The following STK32B variants were observed in gnomAD, a reference collection of about 807,000 sequenced individuals.
The protein encoded by STK32B is serine/threonine kinase 32B.
In STK32B, 43 loss-of-function variants were observed where a neutral mutation model predicts 52.6. The ratio of observed to expected loss-of-function variants is 0.82; its 90% CI spans 0.64 to 1.05. STK32B has a LOEUF of 1.05. Ranked by LOEUF, STK32B falls within the 50% of genes least tolerant of loss-of-function variation. STK32B has a pLI of 0.00. For missense variants in STK32B, 621 were observed against 534.6 expected (o/e 1.16, Z -1.59); for synonymous variants, 238 against 204.3 (o/e 1.17, Z -1.41).
intron 2 of STK32B, among the ~76,000 whole-genome samples, chr4:5,161,147 A>T (rs558081568): frequency 6.6e-6 from 1 of 152,192 alleles, no homozygotes; most frequent in African/African-American, 2.4e-5. Flanking sequence ...TACCAGGCCC[A>T]TGGCACGCAC....
intron 1 of STK32B, among the ~76,000 whole-genome samples, chr4:5,082,607 TG>T (rs1264589011): frequency 6.6e-6 from 1 of 152,184 alleles, no homozygotes; most frequent in Non-Finnish European, 1.5e-5. Context: ...TCTAACTTTT[TG>T]ACAATGAATG....
intron 1 of STK32B, among the ~76,000 whole-genome samples, chr4:5,086,857 TGAA>T (rs1712760251): frequency 6.6e-6 from 1 of 152,156 alleles, no homozygotes; most frequent in Non-Finnish European, 1.5e-5. Flanking sequence ...TCTTTAAAAA[TGAA>T]GAAGAAATTA....
rs1732242654 is a variant in STK32B at position 5,331,412 on chromosome 4, G to T, written c.434+19G>T. On this transcript the variant is annotated intron_variant, in intron 4 of 11. Coordinates refer to ENST00000282908, the MANE Select transcript of STK32B (RefSeq NM_018401.3). The stretch of plus-strand genomic sequence containing the variant: ...TCCACAGGTAACTGGGCTGCTGGCG[G>T]GATGCCTGGGACAGAGGGACCATGG... 4 of 1,596,536 alleles carry T rather than the reference G, an allele frequency of 2.5e-6. No individual in the cohort carries two copies. In the East Asian group the frequency reaches 9.0e-5, roughly 36 times the overall value.
intron 2 of STK32B, among the ~76,000 whole-genome samples, chr4:5,163,403 A>C (rs892571551): frequency 2.0e-5 from 3 of 152,158 alleles, no homozygotes; most frequent in African/African-American, 4.8e-5. Context: ...ATACAGCTTC[A>C]AGGATTAAAG....
intron 8 of STK32B, among the ~76,000 whole-genome samples, chr4:5,458,300 T>C (rs6446363): frequency 0.59 from 89,173 of 151,932 alleles, 26,437 homozygotes; most frequent in African/African-American, 0.66. Flanking sequence ...CTGAGTCTTG[T>C]GTGAGGTTGG....
intron 3 of STK32B, among the ~76,000 whole-genome samples, chr4:5,231,157 C>G (rs1251649281): frequency 6.6e-6 from 1 of 152,148 alleles, no homozygotes; most frequent in Non-Finnish European, 1.5e-5. Flanking sequence ...CTTTTGATAT[C>G]TTGCATCACT....
At chr4:5,292,041 A>G (rs1216636617) in intron 3 of STK32B, among the ~76,000 whole-genome samples, 1 of 152,132 alleles carries the variant, frequency 6.6e-6, no homozygotes, top group Non-Finnish European at 1.5e-5. Context: ...AGTTGATTCC[A>G]TGCGATAGGC....
intron 6 of STK32B, among the ~76,000 whole-genome samples, chr4:5,418,815 G>C (rs140002687): frequency 2.0e-5 from 3 of 152,202 alleles, no homozygotes; most frequent in Non-Finnish European, 2.9e-5. Context: ...TTCCCTGACC[G>C]CATAAACAGT....
intron 3 of STK32B, among the ~76,000 whole-genome samples, chr4:5,296,863 G>T (rs1340455365): frequency 6.6e-6 from 1 of 152,144 alleles, no homozygotes; most frequent in African/African-American, 2.4e-5. Context: ...TAGTGTCATT[G>T]GTCTTTATAT....
intron 1 of STK32B, among the ~76,000 whole-genome samples, chr4:5,119,628 A>G (rs1397243990): frequency 1.3e-5 from 2 of 152,206 alleles, no homozygotes; most frequent in African/African-American, 2.4e-5. Flanking sequence ...ACGCTCAGCA[A>G]TTTGTGTTAC....
At position 5,227,896 on chromosome 4, in the gene STK32B, G is replaced by A. The variant is rs79429114; in HGVS notation, c.260+59446G>A. Among the ~76,000 whole-genome samples, 207 of 152,262 alleles carry A rather than the reference G, an allele frequency of 1.4e-3. 1 individual carries two copies. The highest frequency in any genetic ancestry group is 4.8e-3 in the African/African-American group (200 of 41,572). On this transcript the variant is annotated intron_variant, in intron 3 of 11. Transcript: ENST00000282908. ...CAATGACTACCTGGAAAGCAGTTTG[G>A]TGCCACTGCTTGAATTTGTGCAAAG...
intron 3 of STK32B, among the ~76,000 whole-genome samples, chr4:5,285,144 A>C (rs1728465182): frequency 6.6e-6 from 1 of 152,228 alleles, no homozygotes; most frequent in Non-Finnish European, 1.5e-5. Context: ...ATTACAGTAC[A>C]TAATACATAT....
intron 4 of STK32B, among the ~76,000 whole-genome samples, chr4:5,375,411 T>G (rs79248206): frequency 0.022 from 3,407 of 152,246 alleles, 65 homozygotes; most frequent in East Asian, 0.084. Flanking sequence ...AATCTGCTAT[T>G]TTTCTTTATC....
Position 5,187,193 on chromosome 4 carries a change from C to G in STK32B, c.260+18743C>G, listed in dbSNP as rs535803891. ...GCCAGGATTCTTCCAGACCTGTGGG[C>G]TGTGTGTGGGGTACTCCGCTTCTCC... On this transcript the variant is annotated intron_variant, in intron 3 of 11. Coordinates refer to ENST00000282908, the MANE Select transcript of STK32B (RefSeq NM_018401.3). 1.2e-4 allele frequency among the ~76,000 whole-genome samples: 19 copies of G among 152,296 alleles called. No individual in the cohort carries two copies. In the South Asian group the frequency reaches 3.9e-3, roughly 32 times the overall value.
intron 11 of STK32B, among the ~76,000 whole-genome samples, chr4:5,476,313 C>T (rs371183815): frequency 2.6e-4 from 39 of 152,298 alleles, no homozygotes; most frequent in African/African-American, 7.5e-4. Context: ...CTGAGGGATT[C>T]TCAAGCCCAT....
chr4:5,193,972 C>G (rs1254640308), intron 3 of STK32B, among the ~76,000 whole-genome samples: 1 of 152,168 alleles, frequency 6.6e-6, no homozygotes, highest in Non-Finnish European at 1.5e-5. Flanking sequence ...TGCTCCTGCA[C>G]CTCTCAGGCT....
intron 9 of STK32B, among the ~76,000 whole-genome samples, chr4:5,464,630 G>A (rs1717294883): frequency 6.6e-6 from 1 of 152,224 alleles, no homozygotes; most frequent in Non-Finnish European, 1.5e-5. Context: ...AGCGTGTTCT[G>A]TGTACCTGCC....
chr4:5,319,048 C>T (rs1302600226), intron 3 of STK32B, among the ~76,000 whole-genome samples: 1 of 152,140 alleles, frequency 6.6e-6, no homozygotes, highest in African/African-American at 2.4e-5. Context: ...TTGTGATCCA[C>T]CCGCCTTGGC....
At chr4:5,382,786 G>A (rs1736014875) in intron 4 of STK32B, among the ~76,000 whole-genome samples, 1 of 152,100 alleles carries the variant, frequency 6.6e-6, no homozygotes, top group Admixed American at 6.5e-5. Flanking sequence ...TCTTTTTTAT[G>A]CAACATTGCA....
Sources: allele counts gnomAD v4.1 joint callset (sites outside exome capture counted in the v4.1 genomes callset), GRCh38; gene constraint gnomAD v4.1.1; transcripts MANE v1.5; gene names NCBI Gene and HGNC (gene_info 2026-07-23, HGNC 2026-07-21).